XYLT1: variants seen among roughly 807,000 people sequenced by gnomAD.
XYLT1 encodes the protein beta-D-xylosyltransferase 1.
Under a neutral mutation model 91.3 loss-of-function variants are expected in XYLT1, and 36 were observed. That is an observed-to-expected ratio of 0.39 (90% CI 0.30 to 0.52). XYLT1 has a LOEUF of 0.52. Ranked by LOEUF, XYLT1 falls within the 20% of genes least tolerant of loss-of-function variation. The pLI is 0.68. For synonymous variants in XYLT1, 588 were observed against 532.0 expected (o/e 1.11, Z -1.45); for missense variants, 1,242 against 1,284.5 (o/e 0.97, Z 0.51).
Position 17,158,755 on chromosome 16 carries a change from G to A in XYLT1, c.1370+74C>T, listed in dbSNP as rs913957530. 1.5e-5 allele frequency: 23 copies of A among 1,531,168 alleles called. No homozygotes were observed. The African/African-American group carries it at 3.0e-4, about 20-fold the overall frequency. 94.8% of individuals were successfully genotyped at this position (1,531,168 alleles called of 1,614,324 possible). On this transcript the variant is annotated intron_variant, in intron 6 of 11. Coordinates refer to ENST00000261381, the MANE Select transcript of XYLT1 (RefSeq NM_022166.4). ...ACCTTTCTGTGGCTGCATGAAACCAGCCTAGAAAATTCCCCAAATGATCAC... is the reference window on the plus strand; with the variant it reads ...ACCTTTCTGTGGCTGCATGAAACCAACCTAGAAAATTCCCCAAATGATCAC...
At chr16:17,137,677 G>GCTGCCCAGAGACAGCTGTAA (rs974226047) in intron 8 of XYLT1, 1 of 152,252 alleles carries the variant, frequency 6.6e-6, no homozygotes, top group Non-Finnish European at 1.5e-5. Context: ...AAATTGTTAG[G>GCTGCCCAGAGACAGCTGTAA]CTGCCCAGAG....
chr16:17,467,408 C>A (rs1484791507), intron 1 of XYLT1, among the ~76,000 whole-genome samples: 1 of 152,168 alleles, frequency 6.6e-6, no homozygotes, highest in Non-Finnish European at 1.5e-5. Flanking sequence ...ATAAGGGAGT[C>A]CATCTGTTTC....
At chr16:17,374,785 G>A (rs907333779) in intron 1 of XYLT1, among the ~76,000 whole-genome samples, 1 of 152,150 alleles carries the variant, frequency 6.6e-6, no homozygotes, top group Admixed American at 6.5e-5. Context: ...AAAATGGCAT[G>A]AGTATTTGTA....
At chr16:17,189,666 C>T (rs969417595) in intron 5 of XYLT1, among the ~76,000 whole-genome samples, 5 of 152,208 alleles carry the variant, frequency 3.3e-5, no homozygotes, top group South Asian at 2.1e-4. Context: ...CCACATGCTA[C>T]GATGCAGATG....
intron 1 of XYLT1, among the ~76,000 whole-genome samples, chr16:17,378,286 T>C (rs1171092609): frequency 2.1e-5 from 3 of 141,408 alleles, no homozygotes; most frequent in Non-Finnish European, 4.4e-5. Context: ...AAATAGGTAT[T>C]TATTTGTTCC....
intron 1 of XYLT1, among the ~76,000 whole-genome samples, chr16:17,412,407 G>T (rs1311216524): frequency 6.6e-6 from 1 of 151,954 alleles, no homozygotes; most frequent in African/African-American, 2.4e-5. Context: ...CACATACCAA[G>T]GATTCCAGAA....
At chr16:17,400,668 GAAGGAAGGAACT>G (rs1361351819) in intron 1 of XYLT1, among the ~76,000 whole-genome samples, 102 of 128,364 alleles carry the variant, frequency 7.9e-4, no homozygotes, top group African/African-American at 2.8e-3. Context: ...AGGAAGGAAG[GAAGGAAGGAACT>G]AACTAACTTG....
chr16:17,227,436 G>C (rs1044082760), intron 3 of XYLT1: 1 of 152,842 alleles, frequency 6.5e-6, no homozygotes, highest in Non-Finnish European at 1.5e-5. Flanking sequence ...GCAGGAACAA[G>C]GCTGGCAGGC....
chr16:17,418,353 T>A (rs2036206363), intron 1 of XYLT1, among the ~76,000 whole-genome samples: 1 of 152,230 alleles, frequency 6.6e-6, no homozygotes, highest in South Asian at 2.1e-4. Context: ...CCCGTTTATA[T>A]AACTCCAAGT....
intron 5 of XYLT1, among the ~76,000 whole-genome samples, chr16:17,169,244 T>G (rs2031769110): frequency 6.6e-6 from 1 of 152,270 alleles, no homozygotes; most frequent in East Asian, 1.9e-4. Flanking sequence ...AAAAGTATGC[T>G]GGGGACACCA....
chr16:17,150,027 TAAG>T (rs2031244233), intron 6 of XYLT1, among the ~76,000 whole-genome samples: 1 of 152,172 alleles, frequency 6.6e-6, no homozygotes, highest in Non-Finnish European at 1.5e-5. Context: ...CCTCCACAGC[TAAG>T]AAGAAATCCT....
intron 1 of XYLT1, among the ~76,000 whole-genome samples, chr16:17,445,248 A>C (rs574956781): frequency 4.6e-5 from 7 of 152,160 alleles, no homozygotes; most frequent in Admixed American, 3.9e-4. Context: ...TTCCTGCCTC[A>C]GCCTCCCAAA....
chr16:17,134,474 G>A lies in XYLT1; in HGVS notation c.2026C>T (p.Arg676Ter), dbSNP rs1320125389. 8 of 1,613,794 alleles carry A rather than the reference G, an allele frequency of 5.0e-6. No homozygotes were observed. Among genetic ancestry groups the A allele is most frequent in the African/African-American group, 1.3e-5 (1 of 74,884 alleles). Residue 676 changes from arginine (R) to a stop codon, truncating the protein, a stop_gained and splice_region_variant, in exon 9 of 12, where the codon CGA becomes TGA. Coordinates refer to ENST00000261381, the MANE Select transcript of XYLT1 (RefSeq NM_022166.4). LOFTEE classifies it high-confidence loss of function. ...SLHTDGENSC[R>*]YYPMGHPASV... ...CTCTGCATCCCATATAGGGCTCACC[G>A]GCAGCTGTTCTCCCCATCCGTGTGC...
At chr16:17,130,854 G>T (rs1332046435) in intron 9 of XYLT1, among the ~76,000 whole-genome samples, 1 of 142,724 alleles carries the variant, frequency 7.0e-6, no homozygotes, top group East Asian at 2.1e-4. Flanking sequence ...CTCCTTACCT[G>T]GTCCACAAAG....
chr16:17,298,714 T>C (rs914814409), intron 2 of XYLT1, among the ~76,000 whole-genome samples: 6 of 152,192 alleles, frequency 3.9e-5, no homozygotes, highest in Non-Finnish European at 8.8e-5. Context: ...CTGCTCTTCA[T>C]AGACCGTCAG....
chr16:17,232,033 C>T (rs1000088703), intron 3 of XYLT1, among the ~76,000 whole-genome samples: 49 of 149,344 alleles, frequency 3.3e-4, no homozygotes, highest in African/African-American at 1.2e-3. Context: ...GAATAGTCAA[C>T]GATGGACTGC....
intron 2 of XYLT1, among the ~76,000 whole-genome samples, chr16:17,322,360 C>CATGAACTAGATG (rs931913837): frequency 1.1e-4 from 17 of 152,280 alleles, no homozygotes; most frequent in Admixed American, 8.5e-4. Context: ...AATTCATTCC[C>CATGAACTAGATG]ATGAACTAGA....
chr16:17,108,942 AC>A lies in XYLT1; in HGVS notation c.2632del (p.Val878SerfsTer106). On this transcript the variant is annotated frameshift_variant, in exon 12 of 12. Coordinates refer to ENST00000261381, the MANE Select transcript of XYLT1 (RefSeq NM_022166.4). LOFTEE classifies it high-confidence loss of function. ...MEQSFQSLNP[V>X]LSLPINPAQV... The stretch of plus-strand genomic sequence containing the variant: ...GGCGGGGTTGATGGGCAGGCTGAGG[AC>A]GGGGTTTAGGCTCTGGAAGCTCTGC... 1 of 1,597,196 alleles carries A rather than the reference AC, an allele frequency of 6.3e-7. No homozygotes were observed. The highest frequency in any genetic ancestry group is 1.7e-5 in the Admixed American group (1 of 59,474).
At chr16:17,146,811 G>A (rs886525036) in intron 6 of XYLT1, among the ~76,000 whole-genome samples, 2 of 152,160 alleles carry the variant, frequency 1.3e-5, no homozygotes, top group African/African-American at 4.8e-5. Context: ...GGAGCCCAGA[G>A]AAGACTGGCA....
Sources: allele counts gnomAD v4.1 joint callset (sites outside exome capture counted in the v4.1 genomes callset), GRCh38; gene constraint gnomAD v4.1.1; transcripts MANE v1.5; gene names NCBI Gene and HGNC (gene_info 2026-07-23, HGNC 2026-07-21).